Variants in NALF1 observed in about 807,000 individuals in gnomAD.
NALF1 encodes family with sequence similarity 155 member A.
Under a neutral mutation model 48.4 loss-of-function variants are expected in NALF1, and 3 were observed. That is an observed-to-expected ratio of 0.06 (90% CI 0.03 to 0.16). The LOEUF (loss-of-function observed/expected upper bound fraction) is 0.16. NALF1 is among the 10% of genes least tolerant of loss of function. The pLI, the probability that NALF1 is intolerant of heterozygous loss-of-function variation, is 1.00. For missense variants in NALF1, 526 were observed against 571.5 expected, an observed-to-expected ratio of 0.92 and a Z score of 0.81; for synonymous variants, 262 against 245.7, an observed-to-expected ratio of 1.07 and a Z score of -0.62.
intron 1 of NALF1, among the ~76,000 whole-genome samples, chr13:107,364,836 GCA>G (rs915548322): frequency 4.6e-5 from 7 of 151,948 alleles, no homozygotes; most frequent in Non-Finnish European, 1.0e-4. Flanking sequence ...GGAAAAAAAG[GCA>G]CATTTCACCA....
intron 1 of NALF1, among the ~76,000 whole-genome samples, chr13:107,749,378 A>G (rs1876871065): frequency 6.6e-6 from 1 of 152,128 alleles, no homozygotes; most frequent in Non-Finnish European, 1.5e-5. Context: ...GTGAATCACC[A>G]CAGCAGCCCC....
chr13:107,782,750 G>T (rs1413216972), intron 1 of NALF1, among the ~76,000 whole-genome samples: 1 of 143,564 alleles, frequency 7.0e-6, no homozygotes, highest in Non-Finnish European at 1.5e-5. Context: ...TCGCGACCCC[G>T]TCTGGGAGGT....
chr13:107,516,841 T>G (rs1876069441), intron 1 of NALF1, among the ~76,000 whole-genome samples: 2 of 152,220 alleles, frequency 1.3e-5, no homozygotes, highest in Non-Finnish European at 2.9e-5. Flanking sequence ...CATTAAAGTT[T>G]GTGGTTTGTC....
chr13:107,293,174 G>A (rs908592654), intron 1 of NALF1, among the ~76,000 whole-genome samples: 19 of 151,654 alleles, frequency 1.3e-4, no homozygotes, highest in Non-Finnish European at 2.7e-4. Context: ...TAGAGATGGG[G>A]TTTCACCTTG....
intron 1 of NALF1, among the ~76,000 whole-genome samples, chr13:107,662,372 A>T (rs11838444): frequency 2.0e-5 from 3 of 152,188 alleles, no homozygotes; most frequent in African/African-American, 7.2e-5. Context: ...AGCAGCCAAT[A>T]AAGTATATCA....
intron 1 of NALF1, among the ~76,000 whole-genome samples, chr13:107,277,497 G>T (rs1262509656): frequency 6.6e-6 from 1 of 152,034 alleles, no homozygotes; most frequent in African/African-American, 2.4e-5. Flanking sequence ...GCTGTTTTAG[G>T]ATATCTACAG....
intron 1 of NALF1, among the ~76,000 whole-genome samples, chr13:107,586,075 T>A (rs2391460): frequency 0.55 from 84,061 of 151,800 alleles, 23,733 homozygotes; most frequent in African/African-American, 0.65. Context: ...TTGATTTTAC[T>A]TATATTGAAT....
intron 1 of NALF1, among the ~76,000 whole-genome samples, chr13:107,827,339 T>C (rs546924451): frequency 6.6e-6 from 1 of 152,226 alleles, no homozygotes; most frequent in Non-Finnish European, 1.5e-5. Context: ...TCAACTAGAT[T>C]ATGGTTCATC....
chr13:107,448,818 C>A (rs1377399349), intron 1 of NALF1, among the ~76,000 whole-genome samples: 1 of 152,134 alleles, frequency 6.6e-6, no homozygotes, highest in African/African-American at 2.4e-5. Context: ...ATTATCATAT[C>A]CTTCCCTATG....
intron 1 of NALF1, among the ~76,000 whole-genome samples, chr13:107,506,877 T>A (rs2794405): frequency 0.047 from 7,082 of 152,130 alleles, 558 homozygotes; most frequent in African/African-American, 0.16. Context: ...ACTTTTTTTT[T>A]AATTTCTCCT....
At position 107,229,218 on chromosome 13, in the gene NALF1, T is replaced by C. The variant is rs147358652; in HGVS notation, c.916-18463A>G. Among the ~76,000 whole-genome samples the C allele has an allele frequency of 1.9e-4, 29 of 152,288 alleles. 1 individual carries two copies. The East Asian group carries it at 5.4e-3, about 28-fold the overall frequency. Reference sequence around the variant, plus strand: ...TACATTTAGGTGAGCATATTCATTTTGGATTTCATTTAAAAAATTTTAATG... The same window carrying C: ...TACATTTAGGTGAGCATATTCATTTCGGATTTCATTTAAAAAATTTTAATG... On this transcript the variant is annotated intron_variant, in intron 1 of 2. Coordinates refer to ENST00000375915, the MANE Select transcript of NALF1 (RefSeq NM_001080396.3).
At chr13:107,733,447 T>A (rs1876372304) in intron 1 of NALF1, among the ~76,000 whole-genome samples, 1 of 152,206 alleles carries the variant, frequency 6.6e-6, no homozygotes, top group Non-Finnish European at 1.5e-5. Flanking sequence ...CTTTTGGAAT[T>A]TCTATAGGCA....
intron 1 of NALF1, among the ~76,000 whole-genome samples, chr13:107,555,776 T>G (rs1877454017): frequency 6.6e-6 from 1 of 152,048 alleles, no homozygotes; most frequent in Non-Finnish European, 1.5e-5. Flanking sequence ...GTCACTATAT[T>G]GGGGAAAGCC....
chr13:107,836,773 G>A (rs1879901776), intron 1 of NALF1, among the ~76,000 whole-genome samples: 1 of 152,134 alleles, frequency 6.6e-6, no homozygotes, highest in African/African-American at 2.4e-5. Context: ...TTGTTGCTGA[G>A]ATAATTTAAG....
intron 1 of NALF1, among the ~76,000 whole-genome samples, chr13:107,849,198 A>T (rs1880248879): frequency 6.6e-6 from 1 of 152,200 alleles, no homozygotes; most frequent in Non-Finnish European, 1.5e-5. Context: ...AATACAGAAC[A>T]ATGTTTGGAA....
At chr13:107,318,250 T>C (rs1385364025) in intron 1 of NALF1, among the ~76,000 whole-genome samples, 3 of 152,162 alleles carry the variant, frequency 2.0e-5, no homozygotes, top group African/African-American at 7.2e-5. Flanking sequence ...ACAAAGCTTT[T>C]TGAAAATTTT....
At chr13:107,217,208 G>A (rs369508379) in intron 1 of NALF1, among the ~76,000 whole-genome samples, 2 of 152,256 alleles carry the variant, frequency 1.3e-5, no homozygotes. Context: ...CCCCTCTGCT[G>A]ACAAATCCAG....
intron 1 of NALF1, among the ~76,000 whole-genome samples, chr13:107,245,539 A>G (rs1263381519): frequency 2.0e-5 from 3 of 152,130 alleles, no homozygotes; most frequent in South Asian, 4.1e-4. Flanking sequence ...TTACTGTAAA[A>G]TAAGTCCTAA....
Position 107,406,546 on chromosome 13 carries a change from C to T in NALF1, c.916-195791G>A, listed in dbSNP as rs192685185. 3.3e-5 allele frequency among the ~76,000 whole-genome samples: 5 copies of T among 152,108 alleles called. No individual in the cohort carries two copies. In the East Asian group the frequency reaches 9.7e-4, roughly 29 times the overall value. On this transcript the variant is annotated intron_variant, in intron 1 of 2. Coordinates refer to ENST00000375915, the MANE Select transcript of NALF1 (RefSeq NM_001080396.3). ...AAAAAATGAAAGTATATTCCATGTT[C>T]ATGGATTAGAAGAATCAACATTGTC...
Sources: gnomAD v4.1 joint callset for allele counts (sites outside exome capture counted in the v4.1 genomes callset) on GRCh38, gnomAD v4.1.1 for gene constraint, MANE v1.5 for transcripts, NCBI Gene and HGNC (gene_info 2026-07-23, HGNC 2026-07-21) for gene names.